Variants in MAP4K3 observed in about 807,000 individuals in gnomAD.
MAP4K3 encodes the protein MAPK/ERK kinase kinase kinase 3.
MAP4K3 carries 94 observed loss-of-function variants against 143.5 expected under a neutral mutation model. That is an observed-to-expected ratio of 0.65 (90% CI 0.55 to 0.78). MAP4K3 has a LOEUF of 0.78. Ranked by LOEUF, MAP4K3 falls within the 30% of genes least tolerant of loss-of-function variation. The pLI, the probability that MAP4K3 is intolerant of heterozygous loss-of-function variation, is 0.00. For synonymous variants in MAP4K3, 416 were observed against 347.2 expected, an observed-to-expected ratio of 1.20 and a Z score of -2.20; for missense variants, 1,077 against 1,068.1, an observed-to-expected ratio of 1.01 and a Z score of -0.12.
intron 1 of MAP4K3, among the ~76,000 whole-genome samples, chr2:39,398,405 G>C (rs907964835): frequency 3.3e-5 from 5 of 151,974 alleles, no homozygotes; most frequent in African/African-American, 1.2e-4. Context: ...GTGTGAATTA[G>C]CCTTTTGCAT....
At chr2:39,434,678 C>T (rs746888740) in intron 1 of MAP4K3, among the ~76,000 whole-genome samples, 5 of 152,192 alleles carry the variant, frequency 3.3e-5, no homozygotes, top group Non-Finnish European at 5.9e-5. Context: ...GAATACAGTC[C>T]CTAATTGGTT....
At chr2:39,430,174 T>C (rs940294675) in intron 1 of MAP4K3, among the ~76,000 whole-genome samples, 1 of 152,158 alleles carries the variant, frequency 6.6e-6, no homozygotes, top group African/African-American at 2.4e-5. Flanking sequence ...TATCATGGTG[T>C]ATGTAGGTTA....
At chr2:39,332,177 T>A (rs182928092) in intron 7 of MAP4K3, among the ~76,000 whole-genome samples, 188 bp from the exon 8 acceptor site, 10 of 152,222 alleles carry the variant, frequency 6.6e-5, no homozygotes, top group South Asian at 4.1e-4. Context: ...AAGTAGTGAA[T>A]ACATATCACA....
intron 3 of MAP4K3, among the ~76,000 whole-genome samples, chr2:39,350,628 G>C (rs1665427572): frequency 6.6e-6 from 1 of 152,022 alleles, no homozygotes; most frequent in Non-Finnish European, 1.5e-5. Context: ...TTTTTTCCCA[G>C]TTTTATATAA....
rs188154950 is a variant in MAP4K3, at chr2:39,315,483, T to A, written c.919-95A>T. The A allele has an allele frequency of 1.0e-5, 9 of 858,998 alleles. No homozygotes were observed. The Admixed American group carries it at 2.2e-4, about 21-fold the overall frequency. The allele number at this position is 858,998 out of a possible 1,614,324, so 53.2% of individuals were successfully genotyped here. ...CCAAATAGGAAAAAATACTTCATTT[T>A]AAGTAAAAATGAAAGCAAAACAGCA... On this transcript the variant is annotated intron_variant, in intron 12 of 33. Transcript: ENST00000263881.
intron 15 of MAP4K3, among the ~76,000 whole-genome samples, chr2:39,301,520 A>T (rs572204216): frequency 6.6e-6 from 1 of 152,062 alleles, no homozygotes; most frequent in African/African-American, 2.4e-5. Flanking sequence ...CAGACCAGCT[A>T]TATCTTTAGC....
chr2:39,336,834 C>T, intron 6 of MAP4K3, 86 bp downstream of exon 6: 1 of 544,946 alleles, frequency 1.8e-6, no homozygotes. Context: ...ATGCATTTAT[C>T]AAATAAAACA....
rs1175942146 is a variant in MAP4K3 at position 39,411,074 on chromosome 2, C to T, written c.96+25818G>A. 2.0e-5 allele frequency among the ~76,000 whole-genome samples: 3 copies of T among 152,212 alleles called. No homozygotes were observed. The East Asian group carries it at 5.8e-4, about 29-fold the overall frequency. On this transcript the variant is annotated intron_variant, in intron 1 of 33. Transcript: ENST00000263881. The stretch of plus-strand genomic sequence containing the variant: ...TTTTAAATACAGGACAGTAATTCAA[C>T]AGTAATTTTTAAAAACAAAGTATAC...
chr2:39,368,741 T>G (rs1665994719), intron 2 of MAP4K3, among the ~76,000 whole-genome samples: 1 of 152,134 alleles, frequency 6.6e-6, no homozygotes, highest in Non-Finnish European at 1.5e-5. Flanking sequence ...TTGGACGTTT[T>G]TAATTTCTCA....
intron 1 of MAP4K3, among the ~76,000 whole-genome samples, chr2:39,408,436 G>C (rs896803213): frequency 6.6e-6 from 1 of 152,150 alleles, no homozygotes; most frequent in African/African-American, 2.4e-5. Context: ...CAATGGAAGA[G>C]AACACCAACA....
At chr2:39,262,543 A>G (rs781024917) in intron 28 of MAP4K3, among the ~76,000 whole-genome samples, 2 of 152,252 alleles carry the variant, frequency 1.3e-5, no homozygotes, top group African/African-American at 4.8e-5. Flanking sequence ...TTTACAGTTT[A>G]AACACAGAAA....
At chr2:39,286,525 A>C (rs1448651402) in intron 21 of MAP4K3, among the ~76,000 whole-genome samples, 1 of 152,250 alleles carries the variant, frequency 6.6e-6, no homozygotes, top group Non-Finnish European at 1.5e-5. Context: ...AATTATCCTC[A>C]ATGAGAATAA....
chr2:39,267,013 T>G (rs1389616779), intron 27 of MAP4K3, among the ~76,000 whole-genome samples, 176 bp downstream of exon 27: 2 of 152,206 alleles, frequency 1.3e-5, no homozygotes, highest in African/African-American at 4.8e-5. Context: ...ATAAATTATT[T>G]GCAAGGTACT....
intron 1 of MAP4K3, among the ~76,000 whole-genome samples, chr2:39,433,085 A>G (rs992545422): frequency 2.0e-5 from 3 of 152,184 alleles, no homozygotes; most frequent in African/African-American, 7.2e-5. Flanking sequence ...TCAGTCTTTA[A>G]CCTACTCATG....
intron 1 of MAP4K3, among the ~76,000 whole-genome samples, chr2:39,396,166 C>G (rs771076202): frequency 7.2e-4 from 109 of 151,972 alleles, no homozygotes; most frequent in African/African-American, 2.5e-3. Flanking sequence ...GACTCCGGAG[C>G]AGTTGGAACT....
At chr2:39,318,826 T>A (rs1419228410) in intron 12 of MAP4K3, among the ~76,000 whole-genome samples, 2 of 152,128 alleles carry the variant, frequency 1.3e-5, no homozygotes, top group Non-Finnish European at 1.5e-5. Flanking sequence ...TAAATACAAA[T>A]AACAGGCCCT....
chr2:39,264,483 C>A (rs1680691113), intron 28 of MAP4K3, among the ~76,000 whole-genome samples: 1 of 152,112 alleles, frequency 6.6e-6, no homozygotes, highest in Non-Finnish European at 1.5e-5. Flanking sequence ...CTTTAAACAT[C>A]TTAATACTAT....
chr2:39,426,580 AT>A (rs979030905), intron 1 of MAP4K3, among the ~76,000 whole-genome samples: 10 of 152,120 alleles, frequency 6.6e-5, no homozygotes, highest in Admixed American at 2.6e-4. Flanking sequence ...GAAAAAAAAA[AT>A]ATGTATATAT....
At chr2:39,365,631 A>C (rs575496992) in intron 2 of MAP4K3, among the ~76,000 whole-genome samples, 183 of 149,494 alleles carry the variant, frequency 1.2e-3, no homozygotes, top group Non-Finnish European at 2.4e-3. Context: ...TTTTTAGTAG[A>C]GACGGGGTTT....
Sources: allele counts gnomAD v4.1 joint callset (sites outside exome capture counted in the v4.1 genomes callset), GRCh38; gene constraint gnomAD v4.1.1; transcripts MANE v1.5; gene names NCBI Gene and HGNC (gene_info 2026-07-23, HGNC 2026-07-21).